The following SYN2 variants were observed in gnomAD, a reference collection of about 807,000 sequenced individuals.
The protein encoded by SYN2 is synapsin II, also known as synapsin-2.
Under a neutral mutation model 50.9 loss-of-function variants are expected in SYN2, and 19 were observed. That is an observed-to-expected ratio of 0.37 (90% confidence interval 0.26 to 0.55). SYN2 has a LOEUF of 0.55. Ranked by LOEUF, SYN2 falls within the 20% of genes least tolerant of loss-of-function variation. The probability of loss-of-function intolerance (pLI) is 0.81; values close to 1 mark genes in which losing one functional copy is unlikely to be tolerated. For missense variants in SYN2, 587 were observed against 576.4 expected (o/e 1.02, Z -0.19); for synonymous variants, 255 against 224.9 (o/e 1.13, Z -1.20).
At chr3:12,024,906 A>G (rs1191816696) in intron 1 of SYN2, among the ~76,000 whole-genome samples, 2 of 152,246 alleles carry the variant, frequency 1.3e-5, no homozygotes, top group Non-Finnish European at 2.9e-5. Flanking sequence ...CCAGCAGTAT[A>G]TGAGAGTTCC....
chr3:12,148,093 G>A (rs983067969), intron 4 of SYN2, among the ~76,000 whole-genome samples: 15 of 151,828 alleles, frequency 9.9e-5, no homozygotes, highest in African/African-American at 3.1e-4. Flanking sequence ...CAGCCTGGGC[G>A]ACAGAGCGAG....
intron 1 of SYN2, among the ~76,000 whole-genome samples, chr3:12,053,890 A>G (rs1340125043): frequency 1.3e-5 from 2 of 152,210 alleles, no homozygotes; most frequent in Non-Finnish European, 2.9e-5. Context: ...AAAAATTTTC[A>G]TATTATTTTA....
intron 12 of SYN2, 145 bp from the exon 13 acceptor site, chr3:12,190,345 A>G (rs1342253391): frequency 1.1e-6 from 1 of 922,146 alleles, no homozygotes; most frequent in East Asian, 2.4e-5. Context: ...TCTTGGTAGC[A>G]TGGCCACTTC....
At chr3:12,096,848 A>G (rs1467946124) in intron 1 of SYN2, among the ~76,000 whole-genome samples, 1 of 152,192 alleles carries the variant, frequency 6.6e-6, no homozygotes, top group East Asian at 1.9e-4. Context: ...TTGAGATTAT[A>G]CAATCTGGGG....
chr3:12,058,540 C>T (rs930831982), intron 1 of SYN2, among the ~76,000 whole-genome samples: 6 of 152,308 alleles, frequency 3.9e-5, no homozygotes, highest in Admixed American at 2.6e-4. Flanking sequence ...ATTATTTCCA[C>T]TTACTCTAGT....
chr3:12,098,274 C>T (rs1309756742), intron 1 of SYN2, among the ~76,000 whole-genome samples: 1 of 152,130 alleles, frequency 6.6e-6, no homozygotes. Context: ...AATTCTGTTT[C>T]TAACAACATT....
intron 10 of SYN2, among the ~76,000 whole-genome samples, chr3:12,181,269 T>C (rs1316124283): frequency 1.3e-5 from 2 of 152,216 alleles, no homozygotes; most frequent in Non-Finnish European, 2.9e-5. Flanking sequence ...AGATGATGCA[T>C]TGGGACCCTT....
In SYN2 at chr3:12,127,584, C is replaced by G. The variant is rs144023837; in HGVS notation, c.378-13067C>G. 1.7e-4 allele frequency among the ~76,000 whole-genome samples: 26 copies of G among 152,346 alleles called. No homozygotes were observed. In the East Asian group the frequency reaches 4.6e-3, roughly 27 times the overall value. ...CCTGCCAAAATTCAGTTGTTAGTGTCTGTTCTGGTGAATAATATCCCCACT... is the reference window on the plus strand; with the variant it reads ...CCTGCCAAAATTCAGTTGTTAGTGTGTGTTCTGGTGAATAATATCCCCACT... On this transcript the variant is annotated intron_variant, in intron 1 of 12. Coordinates refer to ENST00000621198, the MANE Select transcript of SYN2 (RefSeq NM_133625.6).
chr3:12,175,994 A>G (rs920576613), intron 10 of SYN2, among the ~76,000 whole-genome samples: 5 of 152,208 alleles, frequency 3.3e-5, no homozygotes, highest in African/African-American at 9.6e-5. Context: ...CCCTCTGTAC[A>G]TGGACTCTGA....
At chr3:12,152,462 G>A (rs1020574573) in intron 5 of SYN2, among the ~76,000 whole-genome samples, 41 of 152,210 alleles carry the variant, frequency 2.7e-4, no homozygotes, top group Admixed American at 2.4e-3. Context: ...GTACTCAGCT[G>A]AAGGGTACAG....
intron 1 of SYN2, chr3:12,070,478 C>G (rs1695325894): frequency 3.2e-6 from 2 of 615,654 alleles, no homozygotes; most frequent in Non-Finnish European, 6.2e-6. Flanking sequence ...ACTGGGATGA[C>G]ATGAAGAAGA....
intron 2 of SYN2, 135 bp downstream of exon 2, chr3:12,140,843 T>C (rs1257758013): frequency 2.9e-6 from 2 of 682,104 alleles, no homozygotes; most frequent in Non-Finnish European, 2.7e-6. Context: ...CTCCTCTCTC[T>C]CCTATCCTTT....
At chr3:12,136,468 A>G (rs531254415) in intron 1 of SYN2, among the ~76,000 whole-genome samples, 1 of 152,328 alleles carries the variant, frequency 6.6e-6, no homozygotes, top group Non-Finnish European at 1.5e-5. Flanking sequence ...TGGTAGAAGT[A>G]GGCCTGAACC....
chr3:12,035,332 G>C (rs1423434028), intron 1 of SYN2, among the ~76,000 whole-genome samples: 1 of 152,190 alleles, frequency 6.6e-6, no homozygotes, highest in Non-Finnish European at 1.5e-5. Flanking sequence ...AGCTCTCTCA[G>C]GCCAGAGTTG....
intron 12 of SYN2, among the ~76,000 whole-genome samples, chr3:12,189,336 A>C (rs1263535037): frequency 6.6e-6 from 1 of 152,222 alleles, no homozygotes. Context: ...CTAGTCTCTC[A>C]AGGGGAGAAT....
chr3:12,075,000 C>T (rs2125170614), intron 1 of SYN2, among the ~76,000 whole-genome samples: 1 of 152,268 alleles, frequency 6.6e-6, no homozygotes, highest in East Asian at 1.9e-4. Context: ...AAATGCCATT[C>T]TCCTTCCCAG....
intron 1 of SYN2, among the ~76,000 whole-genome samples, chr3:12,074,286 G>A (rs1054525883): frequency 6.6e-6 from 1 of 151,996 alleles, no homozygotes; most frequent in Admixed American, 6.6e-5. Context: ...GACAGTATTT[G>A]TCTTAACTTG....
intron 1 of SYN2, among the ~76,000 whole-genome samples, chr3:12,124,442 T>C (rs1291328989): frequency 1.3e-5 from 2 of 152,046 alleles, no homozygotes; most frequent in African/African-American, 2.4e-5. Flanking sequence ...ACAAAAAGAA[T>C]AGAAATAAAA....
intron 1 of SYN2, among the ~76,000 whole-genome samples, chr3:12,045,771 AGT>A (rs1694725210): frequency 6.6e-6 from 1 of 152,154 alleles, no homozygotes. Context: ...AACATTGAGT[AGT>A]GGGGGGCTCA....
Sources: gnomAD v4.1 joint callset for allele counts (sites outside exome capture counted in the v4.1 genomes callset) on GRCh38, gnomAD v4.1.1 for gene constraint, MANE v1.5 for transcripts, NCBI Gene and HGNC (gene_info 2026-07-23, HGNC 2026-07-21) for gene names.